The following ULK2 variants were observed in gnomAD, a reference collection of about 807,000 sequenced individuals.
ULK2 encodes the protein unc-51 like autophagy activating kinase 2.
ULK2 carries 76 observed loss-of-function variants against 127.5 expected under a neutral mutation model. The ratio of observed to expected loss-of-function variants is 0.60; its 90% CI spans 0.50 to 0.72. The LOEUF (loss-of-function observed/expected upper bound fraction) is 0.72, where lower values mean the gene tolerates loss of function less well. ULK2 is among the 30% of genes least tolerant of loss of function. The pLI is 0.00. For missense variants in ULK2, 1,144 were observed against 1,295.9 expected, an observed-to-expected ratio of 0.88 and a Z score of 1.80; for synonymous variants, 452 against 461.9, an observed-to-expected ratio of 0.98 and a Z score of 0.28.
intron 8 of ULK2, among the ~76,000 whole-genome samples, chr17:19,841,961 C>T (rs992188474): frequency 1.5e-4 from 23 of 152,054 alleles, no homozygotes; most frequent in African/African-American, 3.4e-4. Flanking sequence ...GAAGGTTACA[C>T]GGCCTGCCCA....
intron 22 of ULK2, among the ~76,000 whole-genome samples, chr17:19,782,481 G>C (rs2086940392): frequency 6.6e-6 from 1 of 152,194 alleles, no homozygotes; most frequent in Admixed American, 6.5e-5. Flanking sequence ...TAATTTCAGA[G>C]TTGCTTTATT....
chr17:19,823,757 G>T (rs540175221), intron 12 of ULK2, among the ~76,000 whole-genome samples: 1 of 152,300 alleles, frequency 6.6e-6, no homozygotes, highest in Non-Finnish European at 1.5e-5. Context: ...ATTGGTGCCA[G>T]CGTGTCTGGC....
intron 12 of ULK2, among the ~76,000 whole-genome samples, chr17:19,822,185 C>T (rs1382323354): frequency 6.6e-6 from 1 of 151,410 alleles, no homozygotes; most frequent in South Asian, 2.1e-4. Flanking sequence ...AGGTTTTCAC[C>T]ATGTTGGCCA....
chr17:19,787,080 C>T (rs980399228), intron 20 of ULK2, among the ~76,000 whole-genome samples: 1 of 151,624 alleles, frequency 6.6e-6, no homozygotes, highest in South Asian at 2.1e-4. Flanking sequence ...CTCACTGCAA[C>T]CTCTGCCTCC....
chr17:19,830,791 C>G (rs750942899), intron 10 of ULK2, among the ~76,000 whole-genome samples: 3 of 151,976 alleles, frequency 2.0e-5, no homozygotes, highest in Non-Finnish European at 4.4e-5. Flanking sequence ...ACTTTGGGAG[C>G]CCCAGGCAGC....
At chr17:19,817,624 A>G (rs1012925281) in intron 12 of ULK2, among the ~76,000 whole-genome samples, 2 of 152,202 alleles carry the variant, frequency 1.3e-5, no homozygotes, top group Non-Finnish European at 2.9e-5. Flanking sequence ...TCGTTTATCT[A>G]GTGCAAGGAC....
At chr17:19,791,602 T>C (rs565158957) in intron 20 of ULK2, among the ~76,000 whole-genome samples, 50 of 152,218 alleles carry the variant, frequency 3.3e-4, no homozygotes, top group African/African-American at 1.1e-3. Flanking sequence ...GGAGAATCAC[T>C]TGAACCCAGG....
At chr17:19,858,366 C>T (rs981144579) in intron 3 of ULK2, among the ~76,000 whole-genome samples, 1 of 151,850 alleles carries the variant, frequency 6.6e-6, no homozygotes, top group Non-Finnish European at 1.5e-5. Flanking sequence ...TGCCACCACA[C>T]TCCAGCCTGG....
chr17:19,817,955 T>G (rs2041033378), intron 12 of ULK2, among the ~76,000 whole-genome samples: 1 of 152,156 alleles, frequency 6.6e-6, no homozygotes, highest in Non-Finnish European at 1.5e-5. Context: ...GAAGGGAAGA[T>G]GGAAGAACTA....
chr17:19,845,980 T>C (rs1380992205), intron 6 of ULK2, among the ~76,000 whole-genome samples: 4 of 150,986 alleles, frequency 2.6e-5, no homozygotes, highest in Non-Finnish European at 5.9e-5. Context: ...TAGCTGGGTG[T>C]GGTGGCACAT....
intron 3 of ULK2, among the ~76,000 whole-genome samples, chr17:19,850,692 G>A (rs1362197937): frequency 1.3e-5 from 2 of 151,982 alleles, no homozygotes; most frequent in Non-Finnish European, 2.9e-5. Context: ...GGGCGTGGTG[G>A]CGGGCACCTG....
intron 16 of ULK2, among the ~76,000 whole-genome samples, chr17:19,800,908 C>A (rs965947407): frequency 1.8e-4 from 27 of 152,110 alleles, no homozygotes; most frequent in Non-Finnish European, 3.4e-4. Flanking sequence ...ATTTCTGTCC[C>A]TTGGTTTCAC....
In ULK2 at chr17:19,786,103, A is replaced by G. The variant is rs2087025310; in HGVS notation, c.2102-17T>C. ...CTGCCGGAGCTACAACAAAAAGTTT[A>G]TAGAAGGTCATATTACCCTGATAGT... On this transcript the variant is annotated splice_polypyrimidine_tract_variant and intron_variant, in intron 20 of 26. Coordinates refer to ENST00000395544, the MANE Select transcript of ULK2 (RefSeq NM_014683.4). 13 of 1,558,008 alleles carry G rather than the reference A, an allele frequency of 8.3e-6. No individual in the cohort carries two copies. Among genetic ancestry groups the G allele is most frequent in the Non-Finnish European group, 9.5e-6 (11 of 1,160,698 alleles).
Position 19,782,026 on chromosome 17 carries a change from C to G in ULK2, c.2502G>C (p.Leu834=). 6.2e-7 allele frequency: 1 copy of G among 1,614,204 alleles called. No homozygotes were observed. The change falls in exon 23 of 27, where the codon CTG becomes CTC. Residue 834 remains leucine (L), a synonymous_variant. Transcript: ENST00000395544. ...GGTCCAGCACACACTCAGTGAACATCAGCATCACATTCAGATGGCGTAAGG... is the reference window on the plus strand; with the variant it reads ...GGTCCAGCACACACTCAGTGAACATGAGCATCACATTCAGATGGCGTAAGG... ...TDTLRHLNVM[L]MFTECVLDLT...
rs142546971 is a variant in ULK2, at chr17:19,780,004, T to C, written c.2916+468A>G. 1.2e-4 allele frequency among the ~76,000 whole-genome samples: 19 copies of C among 152,008 alleles called. No individual in the cohort carries two copies. In the East Asian group the frequency reaches 3.1e-3, roughly 25 times the overall value. ...CCCTGGCCAACATGGCAAAACCCCA[T>C]CTCTACTAAAAATACAAAAATTAGC... On this transcript the variant is annotated intron_variant, in intron 25 of 26. Transcript: ENST00000395544.
At chr17:19,814,555 G>A (rs2040939771) in intron 13 of ULK2, among the ~76,000 whole-genome samples, 1 of 148,206 alleles carries the variant, frequency 6.7e-6, no homozygotes, top group Admixed American at 6.9e-5. Context: ...GAGACTACAG[G>A]TATGCACCAC....
At chr17:19,833,852 T>C (rs928136895) in intron 10 of ULK2, among the ~76,000 whole-genome samples, 1 of 152,046 alleles carries the variant, frequency 6.6e-6, no homozygotes, top group Non-Finnish European at 1.5e-5. Flanking sequence ...GTGCACACAA[T>C]GGGAGTCTCA....
chr17:19,809,261 C>G (rs2087576983), intron 14 of ULK2, among the ~76,000 whole-genome samples: 1 of 152,118 alleles, frequency 6.6e-6, no homozygotes, highest in African/African-American at 2.4e-5. Context: ...TGGTTACTAT[C>G]AGGGCCTTGA....
At chr17:19,821,928 C>G (rs941994806) in intron 12 of ULK2, among the ~76,000 whole-genome samples, 1 of 151,774 alleles carries the variant, frequency 6.6e-6, no homozygotes, top group Admixed American at 6.6e-5. Flanking sequence ...TCAAGCAATC[C>G]TCCCACCTTG....
Sources: gnomAD v4.1 joint callset for allele counts (sites outside exome capture counted in the v4.1 genomes callset) on GRCh38, gnomAD v4.1.1 for gene constraint, MANE v1.5 for transcripts, NCBI Gene and HGNC (gene_info 2026-07-23, HGNC 2026-07-21) for gene names.